CRYBA4: variants seen among roughly 807,000 people sequenced by gnomAD.
CRYBA4 encodes the protein crystallin beta A4.
In CRYBA4, 30 loss-of-function variants were observed where a neutral mutation model predicts 31.7. That is an observed-to-expected ratio of 0.95 (90% confidence interval 0.71 to 1.28). The LOEUF (loss-of-function observed/expected upper bound fraction) is 1.28. Among genes scored for constraint, CRYBA4 ranks in the 50% most tolerant of loss-of-function variants. The probability of loss-of-function intolerance (pLI) is 0.00; values close to 1 mark genes in which losing one functional copy is unlikely to be tolerated. For synonymous variants in CRYBA4, 102 were observed against 102.3 expected, an observed-to-expected ratio of 1.00 and a Z score of 0.02; for missense variants, 225 against 260.7, an observed-to-expected ratio of 0.86 and a Z score of 0.94.
the CRYBA4 span, among the ~76,000 whole-genome samples, chr22:26,593,297 C>A: frequency 6.6e-5 from 10 of 152,118 alleles, no homozygotes; most frequent in South Asian, 2.1e-4. Flanking sequence ...TCCAAAAATT[C>A]TTTCCAGCTC....
chr22:26,611,516 G>A, the CRYBA4 span, among the ~76,000 whole-genome samples: 33 of 148,544 alleles, frequency 2.2e-4, no homozygotes, highest in African/African-American at 5.0e-4. Flanking sequence ...CGCCCAGGCC[G>A]GACTGCAGAC....
Position 26,623,276 on chromosome 22 carries a change from G to A in CRYBA4, c.82G>A (p.Glu28Lys), listed in dbSNP as rs762531871. Residue 28 changes from glutamate to lysine, a missense_variant, in exon 3 of 6, where the codon GAG (glutamate) becomes AAG (lysine). Transcript: ENST00000354760. ...GGACGGCTTCCAGGGCCGGCGGCAC[G>A]AGTTCACGGCCGAGTGCCCCAGCGT... is the stretch of plus-strand genomic sequence containing the variant. ...DEDGFQGRRHEFTAECPSVLE... is the reference protein window; with the variant it reads ...DEDGFQGRRHKFTAECPSVLE... 3.1e-6 allele frequency: 5 copies of A among 1,613,978 alleles called. No individual in the cohort carries two copies. The highest frequency in any genetic ancestry group is 3.3e-5 in the Admixed American group (2 of 60,028).
the CRYBA4 span, among the ~76,000 whole-genome samples, chr22:26,611,460 TTTTTTTTTG>T: frequency 6.8e-6 from 1 of 146,674 alleles, no homozygotes; most frequent in Non-Finnish European, 1.5e-5. Context: ...GTTTGTTTTT[TTTTTTTTTG>T]TTTTTTTTTT....
the CRYBA4 span, among the ~76,000 whole-genome samples, chr22:26,605,003 G>A: frequency 6.6e-6 from 1 of 151,970 alleles, no homozygotes; most frequent in Non-Finnish European, 1.5e-5. Context: ...AGCTTTGTTG[G>A]CCACCTTTAA....
chr22:26,604,441 T>C, the CRYBA4 span, among the ~76,000 whole-genome samples: 26 of 152,352 alleles, frequency 1.7e-4, no homozygotes, highest in Admixed American at 1.6e-3. Context: ...GCCCAGAACG[T>C]AAGTGCATCC....
the CRYBA4 span, among the ~76,000 whole-genome samples, chr22:26,592,335 G>T: frequency 6.6e-6 from 1 of 152,216 alleles, no homozygotes; most frequent in Non-Finnish European, 1.5e-5. Flanking sequence ...CTAACAGGGG[G>T]ACAAAGGTCC....
the CRYBA4 span, among the ~76,000 whole-genome samples, chr22:26,602,980 C>T: frequency 2.6e-5 from 4 of 151,796 alleles, no homozygotes; most frequent in Admixed American, 2.6e-4. Context: ...AAAAAATTAG[C>T]CGGGCGTGGT....
At chr22:26,593,455 T>C in the CRYBA4 span, among the ~76,000 whole-genome samples, 1 of 151,980 alleles carries the variant, frequency 6.6e-6, no homozygotes, top group African/African-American at 2.4e-5. Flanking sequence ...CTGGGCAACA[T>C]GGTGAGACCT....
chr22:26,622,784 G>T lies in CRYBA4; in HGVS notation c.39+149G>T, dbSNP rs575966853. 224 of 695,864 alleles carry T rather than the reference G, an allele frequency of 3.2e-4. 5 individuals are homozygous for T. The South Asian group carries it at 3.6e-3, about 11-fold the overall frequency. 43.1% of individuals were successfully genotyped at this position (695,864 alleles called of 1,614,324 possible). Reference sequence around the variant, plus strand: ...AGAAGGGACTTGTATGTCACATACAGGGAGGTTGAATGTGAATTTGGGTCT... The same window carrying T: ...AGAAGGGACTTGTATGTCACATACATGGAGGTTGAATGTGAATTTGGGTCT... On this transcript the variant is annotated intron_variant, in intron 2 of 5. Coordinates refer to ENST00000354760, the MANE Select transcript of CRYBA4 (RefSeq NM_001886.3).
the CRYBA4 span, among the ~76,000 whole-genome samples, chr22:26,615,374 T>C: frequency 1.3e-5 from 2 of 152,202 alleles, no homozygotes; most frequent in South Asian, 4.1e-4. Flanking sequence ...TTTTCTTCTT[T>C]TTTTTTCTTG....
At chr22:26,611,333 T>A in the CRYBA4 span, among the ~76,000 whole-genome samples, 2 of 152,230 alleles carry the variant, frequency 1.3e-5, no homozygotes, top group African/African-American at 4.8e-5. Flanking sequence ...GCCTGGCACC[T>A]GGTGGGTGTG....
At chr22:26,628,673 A>G (rs1158448089) in intron 5 of CRYBA4, among the ~76,000 whole-genome samples, 5 of 152,160 alleles carry the variant, frequency 3.3e-5, no homozygotes, top group African/African-American at 9.7e-5. Context: ...GGATCCAGGT[A>G]CTACAGCAGG....
At chr22:26,611,380 G>A in the CRYBA4 span, among the ~76,000 whole-genome samples, 1 of 152,124 alleles carries the variant, frequency 6.6e-6, no homozygotes, top group Non-Finnish European at 1.5e-5. Context: ...GCAGCTGGAC[G>A]CCCAGGAGAG....
the CRYBA4 span, among the ~76,000 whole-genome samples, chr22:26,593,507 C>T: frequency 1.3e-5 from 2 of 151,176 alleles, no homozygotes; most frequent in Non-Finnish European, 2.9e-5. Flanking sequence ...TTTTAAAAAC[C>T]ATTTTATTTA....
chr22:26,597,199 G>A, the CRYBA4 span, among the ~76,000 whole-genome samples: 3 of 152,080 alleles, frequency 2.0e-5, no homozygotes, highest in African/African-American at 7.2e-5. Flanking sequence ...ATCTCCTGAC[G>A]TACAAGTGTA....
intron 3 of CRYBA4, 96 bp from the exon 4 acceptor site, chr22:26,625,385 T>C (rs941803193): frequency 7.2e-7 from 1 of 1,387,290 alleles, no homozygotes; most frequent in Non-Finnish European, 1.0e-6. Context: ...CACCCCTGAA[T>C]GGTTGTGACT....
chr22:26,602,508 T>G, the CRYBA4 span, among the ~76,000 whole-genome samples: 1 of 151,374 alleles, frequency 6.6e-6, no homozygotes, highest in South Asian at 2.1e-4. Context: ...GGAGGATTGC[T>G]TGAGCCCAGG....
At chr22:26,628,470 A>G (rs1488727585) in intron 5 of CRYBA4, 40 bp downstream of exon 5, 2 of 1,611,236 alleles carry the variant, frequency 1.2e-6, no homozygotes, top group South Asian at 1.1e-5. Flanking sequence ...GGGAGGGGCT[A>G]CTGGGAGGGG....
chr22:26,630,316 C>G, intron 5 of CRYBA4, 24 bp from the exon 6 acceptor site: 1 of 1,613,976 alleles, frequency 6.2e-7, no homozygotes. Flanking sequence ...TGTAGAGTAA[C>G]TGTCTGCCTT....
Sources: gnomAD v4.1 joint callset for allele counts (sites outside exome capture counted in the v4.1 genomes callset) on GRCh38, gnomAD v4.1.1 for gene constraint, MANE v1.5 for transcripts, NCBI Gene and HGNC (gene_info 2026-07-23, HGNC 2026-07-21) for gene names.